The following ITPR2 variants were observed in gnomAD, a reference collection of about 807,000 sequenced individuals.
ITPR2 encodes the protein inositol 1,4,5-trisphosphate-gated calcium channel ITPR2.
ITPR2 carries 207 observed loss-of-function variants against 317.1 expected under a neutral mutation model. The ratio of observed to expected loss-of-function variants is 0.65; its 90% CI spans 0.58 to 0.73. ITPR2 has a LOEUF of 0.73. Ranked by LOEUF, ITPR2 falls within the 30% of genes least tolerant of loss-of-function variation. The pLI is 0.00. For synonymous variants in ITPR2, 1,156 were observed against 1,149.1 expected, an observed-to-expected ratio of 1.01 and a Z score of -0.12; for missense variants, 2,613 against 3,284.0, an observed-to-expected ratio of 0.80 and a Z score of 4.99.
chr12:26,782,019 TATATATATATATATGTATAGAG>T (rs1398406494), intron 2 of ITPR2, among the ~76,000 whole-genome samples: 8 of 36,360 alleles, frequency 2.2e-4, no homozygotes, highest in East Asian at 9.6e-4. Flanking sequence ...TATATATATA[TATATATATATATATGTATAGAG>T]AGAGAGAGAG....
At chr12:26,376,859 G>C (rs968272206) in intron 55 of ITPR2, among the ~76,000 whole-genome samples, 4 of 151,928 alleles carry the variant, frequency 2.6e-5, no homozygotes, top group Non-Finnish European at 4.4e-5. Context: ...CTCCTTAGTA[G>C]CTGGGACTAC....
At chr12:26,687,037 T>C (rs977630636) in intron 10 of ITPR2, among the ~76,000 whole-genome samples, 2 of 152,216 alleles carry the variant, frequency 1.3e-5, no homozygotes, top group East Asian at 1.9e-4. Flanking sequence ...CAGGAGTTCA[T>C]ACCTAACTCC....
At chr12:26,717,563 G>A (rs556171711) in intron 5 of ITPR2, among the ~76,000 whole-genome samples, 88 of 152,278 alleles carry the variant, frequency 5.8e-4, no homozygotes, top group African/African-American at 2.0e-3. Flanking sequence ...CATCATAGAA[G>A]CTCTCTATAT....
chr12:26,579,610 C>G (rs1351912086), intron 33 of ITPR2, among the ~76,000 whole-genome samples: 2 of 151,832 alleles, frequency 1.3e-5, no homozygotes, highest in Non-Finnish European at 2.9e-5. Flanking sequence ...GCTTTTCCTC[C>G]TTTTAAGGAT....
At chr12:26,805,343 C>A (rs890898157) in intron 1 of ITPR2, among the ~76,000 whole-genome samples, 15 of 152,184 alleles carry the variant, frequency 9.9e-5, no homozygotes, top group Middle Eastern at 3.4e-3. Flanking sequence ...AAGTTATATG[C>A]AATAAAGGTT....
intron 30 of ITPR2, among the ~76,000 whole-genome samples, chr12:26,598,199 C>A (rs1486401341): frequency 6.6e-6 from 1 of 152,072 alleles, no homozygotes; most frequent in African/African-American, 2.4e-5. Flanking sequence ...GAAAAAGGTG[C>A]ATTTTACAAG....
rs573748699 is a variant in ITPR2, at chr12:26,602,449, C to T, written c.3599G>A (p.Arg1200Gln). ...TTTCAGTAATCGTTGATGTTGATTC[C>T]GACACTTTTTATTCTGCACACAGAG... ...SKLCVQNKKC[R>Q]NQHQRLLKNM... Residue 1200 changes from arginine to glutamine, a missense_variant, in exon 28 of 57, where the codon CGG (arginine) becomes CAG (glutamine). This residue lies in a region of ITPR2 where 817 missense variants were observed against 897.6 expected (regional missense o/e 0.91). Transcript: ENST00000381340. 9.2e-5 allele frequency: 148 copies of T among 1,613,496 alleles called. 2 individuals are homozygous for T. The Middle Eastern group carries it at 1.6e-3, about 18-fold the overall frequency.
rs1346867701 is a variant in ITPR2, at chr12:26,774,345, T to G, written c.163+15812A>C. The stretch of plus-strand genomic sequence containing the variant: ...ACTGAAACTATATTGCCTTTAAAAA[T>G]TATGGTTCTTAGCCTGGGTGTGGTG... On this transcript the variant is annotated intron_variant, in intron 2 of 56. Coordinates refer to ENST00000381340, the MANE Select transcript of ITPR2 (RefSeq NM_002223.4). 2.6e-5 allele frequency among the ~76,000 whole-genome samples: 4 copies of G among 152,138 alleles called. No individual in the cohort carries two copies. In the East Asian group the frequency reaches 7.7e-4, roughly 29 times the overall value.
At chr12:26,405,145 A>AAG (rs1940307933) in intron 52 of ITPR2, among the ~76,000 whole-genome samples, 1 of 151,976 alleles carries the variant, frequency 6.6e-6, no homozygotes, top group Admixed American at 6.6e-5. Flanking sequence ...AAAAAAAAAA[A>AAG]AAGAAGAAGA....
rs570132429 is a variant in ITPR2 at position 26,660,748 on chromosome 12, C to G, written c.1714-1463G>C. ...CACTTTCATGACTACTGTAGTCATACTCTGGTACAAGGCAAACATCCAAAA... is the reference window on the plus strand; with the variant it reads ...CACTTTCATGACTACTGTAGTCATAGTCTGGTACAAGGCAAACATCCAAAA... On this transcript the variant is annotated intron_variant, in intron 15 of 56. Coordinates refer to ENST00000381340, the MANE Select transcript of ITPR2 (RefSeq NM_002223.4). 3.9e-5 allele frequency among the ~76,000 whole-genome samples: 6 copies of G among 152,094 alleles called. No individual in the cohort carries two copies. In the East Asian group the frequency reaches 1.2e-3, roughly 29 times the overall value.
chr12:26,437,071 C>A (rs1374285444), intron 47 of ITPR2, among the ~76,000 whole-genome samples: 2 of 152,178 alleles, frequency 1.3e-5, no homozygotes, highest in African/African-American at 4.8e-5. Context: ...CAATCGAATA[C>A]AGTTTACATT....
At chr12:26,532,926 T>C (rs1253010749) in intron 37 of ITPR2, among the ~76,000 whole-genome samples, 1 of 152,096 alleles carries the variant, frequency 6.6e-6, no homozygotes, top group Non-Finnish European at 1.5e-5. Flanking sequence ...TCTCAGGTGA[T>C]CCACCCACCT....
chr12:26,565,853 A>AGAGGAGAGGGGAGGGGAGGG (rs1565607433), intron 34 of ITPR2, among the ~76,000 whole-genome samples: 1 of 95,734 alleles, frequency 1.0e-5, no homozygotes. Context: ...AGAGGAGAGG[A>AGAGGAGAGGGGAGGGGAGGG]GAGGAGAGGG....
chr12:26,468,535 C>T (rs1942224834), intron 45 of ITPR2, among the ~76,000 whole-genome samples: 1 of 141,566 alleles, frequency 7.1e-6, no homozygotes, highest in African/African-American at 2.6e-5. Context: ...AGAGTGCCTG[C>T]TATATTCTAG....
chr12:26,486,348 G>T lies in ITPR2; in HGVS notation c.5567C>A (p.Thr1856Lys), dbSNP rs760477624. ...TTTCATTCCCTCTTTTAAATGTAGT[G>T]TTGAATCTCTTACTGAAAACAAAGC... ...SGPRMRVRDS[T>K]LHLKEGMKGQ... Residue 1856 changes from threonine to lysine, a missense_variant, in exon 41 of 57, where the codon ACA (threonine) becomes AAA (lysine). By Grantham distance (78) the Thr-to-Lys change is moderately conservative. Coordinates refer to ENST00000381340, the MANE Select transcript of ITPR2 (RefSeq NM_002223.4). 25 of 1,605,218 alleles carry T rather than the reference G, an allele frequency of 1.6e-5. No individual in the cohort carries two copies. The South Asian group carries it at 2.8e-4, about 18-fold the overall frequency.
chr12:26,564,696 A>G (rs925442820), intron 34 of ITPR2, among the ~76,000 whole-genome samples: 8 of 152,194 alleles, frequency 5.3e-5, no homozygotes, highest in Admixed American at 3.3e-4. Flanking sequence ...GGATTTATGC[A>G]GCTGCAAGCC....
At chr12:26,695,718 T>C (rs1212545733) in intron 9 of ITPR2, 68 bp from the exon 10 acceptor site, 3 of 879,438 alleles carry the variant, frequency 3.4e-6, no homozygotes, top group Non-Finnish European at 5.3e-6. Context: ...CCATTGATCT[T>C]CAATTCAATT....
chr12:26,535,959 T>C (rs117464476), intron 37 of ITPR2, among the ~76,000 whole-genome samples: 7 of 152,330 alleles, frequency 4.6e-5, no homozygotes, highest in Non-Finnish European at 1.0e-4. Context: ...ACAAAAACTG[T>C]TGCAGCAGAT....
chr12:26,439,013 T>G (rs1354715664), intron 47 of ITPR2, 114 bp downstream of exon 47: 3 of 688,122 alleles, frequency 4.4e-6, no homozygotes, highest in Non-Finnish European at 7.3e-6. Context: ...TTCAGTAATA[T>G]CAGACCAGCA....
Sources: allele counts gnomAD v4.1 joint callset (sites outside exome capture counted in the v4.1 genomes callset), GRCh38; gene constraint gnomAD v4.1.1; regional missense constraint gnomAD v4.1.1; transcripts MANE v1.5; gene names NCBI Gene and HGNC (gene_info 2026-07-23, HGNC 2026-07-21).